STAM: variants seen among roughly 807,000 people sequenced by gnomAD.
The protein encoded by STAM is signal transducing adaptor molecule.
A neutral mutation model predicts 63.4 loss-of-function variants in STAM; 16 were observed. The observed-to-expected ratio is 0.25, with a 90% CI of 0.17 to 0.38. STAM has a LOEUF of 0.38. STAM is among the 10% of genes least tolerant of loss of function. The pLI is 1.00. For synonymous variants in STAM, 238 were observed against 223.9 expected (o/e 1.06, Z -0.56); for missense variants, 636 against 657.1 (o/e 0.97, Z 0.35).
intron 1 of STAM, among the ~76,000 whole-genome samples, chr10:17,647,676 A>G (rs1056848933): frequency 2.6e-5 from 4 of 152,198 alleles, no homozygotes; most frequent in Admixed American, 6.5e-5. Context: ...AATATGGAAT[A>G]TAAGAGTAAT....
At chr10:17,684,529 T>A in intron 2 of STAM, 146 bp from the exon 3 acceptor site, 4 of 547,640 alleles carry the variant, frequency 7.3e-6, no homozygotes, top group Non-Finnish European at 1.2e-5. Context: ...AGTTTACAGT[T>A]TTTCAACCGT....
chr10:17,672,701 A>G, intron 2 of STAM, among the ~76,000 whole-genome samples: 1 of 152,200 alleles, frequency 6.6e-6, no homozygotes, highest in Non-Finnish European at 1.5e-5. Context: ...GACACATTTG[A>G]GAGACGGTTC....
At chr10:17,691,676 C>G (rs1835542740) in intron 5 of STAM, among the ~76,000 whole-genome samples, 1 of 152,158 alleles carries the variant, frequency 6.6e-6, no homozygotes, top group African/African-American at 2.4e-5. Context: ...CACATTCCCT[C>G]AGGGAACATA....
chr10:17,714,175 GCT>G (rs1554830389), intron 13 of STAM, among the ~76,000 whole-genome samples: 1 of 152,138 alleles, frequency 6.6e-6, no homozygotes, highest in African/African-American at 2.4e-5. Flanking sequence ...TGCCCCAGCT[GCT>G]CTTTGTCCTC....
At chr10:17,694,014 A>C (rs1554827129) in intron 6 of STAM, among the ~76,000 whole-genome samples, 1 of 152,102 alleles carries the variant, frequency 6.6e-6, no homozygotes, top group Non-Finnish European at 1.5e-5. Flanking sequence ...CTGTTATTTT[A>C]ATTTTTATTT....
At chr10:17,705,548 T>C (rs782541241) in intron 11 of STAM, 40 bp from the exon 12 acceptor site, 30 of 1,583,256 alleles carry the variant, frequency 1.9e-5, no homozygotes, top group Non-Finnish European at 2.3e-5. Context: ...TATATCATTT[T>C]AGTAACAGCT....
intron 2 of STAM, among the ~76,000 whole-genome samples, chr10:17,664,684 T>C (rs77437843): frequency 0.014 from 2,135 of 152,244 alleles, 45 homozygotes; most frequent in African/African-American, 0.048. Context: ...ACATGAGTTT[T>C]CCAAAGACAA....
chr10:17,705,685 GC>G lies in STAM; in HGVS notation c.1154del (p.Ala385GlufsTer38), dbSNP rs1554829153. ...MNEDPMYSMY[A>X]KLQNQPYYMQ... ...CGAAGATCCGATGTATTCCATGTAT[GC>G]AAAGTTACAGAATCAGCCATATTAT... On this transcript the variant is annotated frameshift_variant, in exon 12 of 14. Coordinates refer to ENST00000377524, the MANE Select transcript of STAM (RefSeq NM_003473.4). LOFTEE classifies it high-confidence loss of function. 1 of 1,613,930 alleles carries G rather than the reference GC, an allele frequency of 6.2e-7. No individual in the cohort carries two copies. The highest frequency in any genetic ancestry group is 8.5e-7 in the Non-Finnish European group (1 of 1,179,942).
chr10:17,675,612 T>C (rs1303110190), intron 2 of STAM, among the ~76,000 whole-genome samples: 2 of 152,192 alleles, frequency 1.3e-5, no homozygotes, highest in African/African-American at 4.8e-5. Context: ...TTTTAACTTA[T>C]ACAGGGATTC....
chr10:17,645,303 T>A (rs535349268), intron 1 of STAM, among the ~76,000 whole-genome samples: 39 of 152,200 alleles, frequency 2.6e-4, no homozygotes, highest in Non-Finnish European at 5.4e-4. Context: ...TAATCATTAC[T>A]GTGAATAAGG....
intron 12 of STAM, among the ~76,000 whole-genome samples, chr10:17,707,118 G>C (rs1469929338): frequency 6.6e-6 from 1 of 151,742 alleles, no homozygotes; most frequent in Non-Finnish European, 1.5e-5. Flanking sequence ...GGAATAACTA[G>C]CCAGATACTG....
intron 9 of STAM, among the ~76,000 whole-genome samples, chr10:17,700,604 A>G (rs1485725618): frequency 1.3e-5 from 2 of 150,344 alleles, no homozygotes; most frequent in East Asian, 3.9e-4. Context: ...TTTTTTTTGA[A>G]CATCTATCTT....
intron 1 of STAM, among the ~76,000 whole-genome samples, chr10:17,650,763 G>A (rs1234074869): frequency 6.6e-6 from 1 of 151,984 alleles, no homozygotes; most frequent in Admixed American, 6.6e-5. Flanking sequence ...TGGCCCCTCC[G>A]TTTAAAATAT....
intron 1 of STAM, among the ~76,000 whole-genome samples, chr10:17,655,387 A>G (rs1485780955): frequency 6.6e-6 from 1 of 152,144 alleles, no homozygotes; most frequent in Non-Finnish European, 1.5e-5. Flanking sequence ...GCTATCTTCT[A>G]TGTTAGAAGA....
intron 2 of STAM, among the ~76,000 whole-genome samples, chr10:17,670,290 A>G (rs1016599263): frequency 6.6e-6 from 1 of 152,244 alleles, no homozygotes; most frequent in Non-Finnish European, 1.5e-5. Flanking sequence ...TGAGACTTAT[A>G]GAATTCTGAT....
At chr10:17,709,213 ATTG>A (rs765573300) in intron 13 of STAM, among the ~76,000 whole-genome samples, 26 of 152,032 alleles carry the variant, frequency 1.7e-4, no homozygotes, top group Non-Finnish European at 2.8e-4. Flanking sequence ...ATAAGTTTTT[ATTG>A]TTGTTTTTAT....
chr10:17,706,138 T>C (rs184032475), intron 12 of STAM, among the ~76,000 whole-genome samples: 69 of 152,282 alleles, frequency 4.5e-4, no homozygotes, highest in African/African-American at 1.6e-3. Context: ...TGAAACTTTC[T>C]AAAACTAATG....
intron 1 of STAM, among the ~76,000 whole-genome samples, chr10:17,645,919 G>C (rs1467666335): frequency 2.0e-5 from 3 of 152,144 alleles, no homozygotes; most frequent in Admixed American, 2.0e-4. Context: ...TCTTGGTCCT[G>C]TATAATTTAG....
At chr10:17,656,236 G>T (rs1833932008) in intron 1 of STAM, among the ~76,000 whole-genome samples, 1 of 150,348 alleles carries the variant, frequency 6.7e-6, no homozygotes, top group Admixed American at 6.6e-5. Flanking sequence ...GGAGGTTGCA[G>T]TGAGCCGAGA....
Sources: allele counts gnomAD v4.1 joint callset (sites outside exome capture counted in the v4.1 genomes callset), GRCh38; gene constraint gnomAD v4.1.1; transcripts MANE v1.5; gene names NCBI Gene and HGNC (gene_info 2026-07-23, HGNC 2026-07-21).